The following ENTPD5 variants were observed in gnomAD, a reference collection of about 807,000 sequenced individuals.
The protein encoded by ENTPD5 is nucleoside diphosphate phosphatase ENTPD5.
In ENTPD5, 49 loss-of-function variants were observed where a neutral mutation model predicts 60.2. The observed-to-expected ratio is 0.81, with a 90% CI of 0.65 to 1.03. The LOEUF (loss-of-function observed/expected upper bound fraction) is 1.03. Among genes scored for constraint, ENTPD5 ranks in the 50% least tolerant of loss-of-function variants. The pLI, the probability that ENTPD5 is intolerant of heterozygous loss-of-function variation, is 0.00. For synonymous variants in ENTPD5, 187 were observed against 185.4 expected (o/e 1.01, Z -0.07); for missense variants, 480 against 507.6 (o/e 0.95, Z 0.52).
intron 10 of ENTPD5, among the ~76,000 whole-genome samples, chr14:73,975,704 C>T (rs550885775): frequency 2.0e-5 from 3 of 152,168 alleles, no homozygotes; most frequent in South Asian, 2.1e-4. Context: ...TGCACCCAGC[C>T]GAAAACTTTT....
chr14:73,973,158 G>T, intron 12 of ENTPD5, 134 bp from the exon 13 acceptor site: 1 of 1,045,196 alleles, frequency 9.6e-7, no homozygotes, highest in Non-Finnish European at 1.4e-6. Flanking sequence ...TGAGGCTTGG[G>T]ACAAGAGGCG....
chr14:73,961,099 G>A, downstream of ENTPD5: 1 of 1,512,886 alleles, frequency 6.6e-7, no homozygotes, highest in Non-Finnish European at 9.0e-7. Context: ...TTACAAACAA[G>A]GTTTCTTTAT....
At chr14:74,002,967 G>A (rs1039590605) in intron 3 of ENTPD5, among the ~76,000 whole-genome samples, 6 of 152,120 alleles carry the variant, frequency 3.9e-5, no homozygotes, top group African/African-American at 1.4e-4. Context: ...CCCTGCCTTA[G>A]GGCCTTCGCT....
chr14:74,013,711 A>C (rs2058918533), intron 2 of ENTPD5, among the ~76,000 whole-genome samples: 1 of 152,204 alleles, frequency 6.6e-6, no homozygotes, highest in Non-Finnish European at 1.5e-5. Context: ...AGAGATCAAC[A>C]TCCAGGTCAG....
At chr14:73,957,706 G>A (rs942352868), downstream of ENTPD5, among the ~76,000 whole-genome samples, 3 of 152,102 alleles carry the variant, frequency 2.0e-5, no homozygotes, top group South Asian at 2.1e-4. Context: ...CTAGGATTAC[G>A]AGCATGAGCC....
rs750342533 is a variant in ENTPD5, at chr14:73,975,975, A to G, written c.683T>C (p.Phe228Ser). Residue 228 changes from phenylalanine (F) to serine (S), a missense_variant, in exon 10 of 16, where the codon TTT becomes TCT. Physicochemically the swap from Phe to Ser is radical, Grantham distance 155. Coordinates refer to ENST00000334696, the MANE Select transcript of ENTPD5 (RefSeq NM_001249.5). ...CTTATAAGTGCTGTTAAACATCTCA[A>G]AGGAAGTGAGGTAGCCCCTAGGAGT... ...EQTPRGYLTSFEMFNSTYKLY... is the reference protein window; with the variant it reads ...EQTPRGYLTSSEMFNSTYKLY... 8 of 1,613,612 alleles carry G rather than the reference A, an allele frequency of 5.0e-6. No individual in the cohort carries two copies. In the East Asian group the frequency reaches 1.3e-4, roughly 27 times the overall value.
intron 5 of ENTPD5, among the ~76,000 whole-genome samples, chr14:73,983,981 G>A (rs1263967704): frequency 2.6e-5 from 4 of 151,866 alleles, no homozygotes; most frequent in South Asian, 2.1e-4. Flanking sequence ...ATGAGCCACC[G>A]TGCCTGGCCA....
chr14:73,992,917 C>T (rs12885276), intron 3 of ENTPD5, among the ~76,000 whole-genome samples: 17,100 of 150,704 alleles, frequency 0.11, 1,257 homozygotes, highest in Admixed American at 0.19. Context: ...GTACGAGAAT[C>T]GCTTGAACCT....
chr14:73,973,781 T>C lies in ENTPD5; in HGVS notation c.886+96A>G, dbSNP rs554626404. 31 of 1,017,738 alleles carry C rather than the reference T, an allele frequency of 3.0e-5. No homozygotes were observed. The South Asian group carries it at 3.9e-4, about 13-fold the overall frequency. The allele number at this position is 1,017,738 out of a possible 1,614,324, so 63.0% of individuals were successfully genotyped here. On this transcript the variant is annotated intron_variant, in intron 12 of 15. Transcript: ENST00000334696. ...TTTGGAATAAGTCCCTGCAACAAGA[T>C]AAGCTTCTCTTGAGTTCTGGAAAAA... is the stretch of plus-strand genomic sequence containing the variant.
At chr14:73,992,748 A>T (rs2058187049) in intron 3 of ENTPD5, among the ~76,000 whole-genome samples, 2 of 151,756 alleles carry the variant, frequency 1.3e-5, no homozygotes, top group African/African-American at 4.8e-5. Context: ...CACGCCTATC[A>T]TCTCAGCATT....
At chr14:73,963,015 A>G, downstream of ENTPD5, 1 of 1,597,312 alleles carries the variant, frequency 6.3e-7, no homozygotes, top group Non-Finnish European at 8.6e-7. Flanking sequence ...CCTCTCCTAA[A>G]GAAAGATTAC....
intron 3 of ENTPD5, among the ~76,000 whole-genome samples, chr14:74,001,537 G>A (rs2058506707): frequency 1.3e-5 from 2 of 148,980 alleles, no homozygotes; most frequent in South Asian, 4.3e-4. Flanking sequence ...GCATGGTGGC[G>A]GGCACCTGTA....
chr14:74,002,895 T>C (rs1748650827), intron 3 of ENTPD5, among the ~76,000 whole-genome samples: 3 of 152,128 alleles, frequency 2.0e-5, no homozygotes, highest in Non-Finnish European at 2.9e-5. Context: ...TCTGACCCCA[T>C]CTACTAATAG....
chr14:73,976,486 C>T, intron 8 of ENTPD5, 74 bp from the exon 9 acceptor site: 3 of 1,195,106 alleles, frequency 2.5e-6, no homozygotes, highest in Non-Finnish European at 3.7e-6. Flanking sequence ...TTGCTCTTAT[C>T]ATACACTGAA....
At chr14:73,976,278 C>A in intron 9 of ENTPD5, 46 bp downstream of exon 9, 1 of 1,530,918 alleles carries the variant, frequency 6.5e-7, no homozygotes, top group Non-Finnish European at 9.1e-7. Flanking sequence ...CACCATGATA[C>A]GCCTGCCAAG....
intron 3 of ENTPD5, among the ~76,000 whole-genome samples, chr14:73,992,228 C>A (rs2058164841): frequency 6.6e-6 from 1 of 152,096 alleles, no homozygotes; most frequent in Non-Finnish European, 1.5e-5. Flanking sequence ...GGTTAAGTGA[C>A]AAGATCTGAT....
At chr14:73,955,621 A>G, downstream of ENTPD5, 1 of 1,367,972 alleles carries the variant, frequency 7.3e-7, no homozygotes, top group Non-Finnish European at 1.0e-6. Context: ...CAAGGTTCAC[A>G]TTCAGTCCGA....
downstream of ENTPD5, chr14:73,961,728 GC>G (rs748791988): frequency 3.1e-6 from 5 of 1,614,100 alleles, no homozygotes; most frequent in Non-Finnish European, 3.4e-6. Flanking sequence ...TCTTTCCTCT[GC>G]CCTTCAGGTT....
In ENTPD5 at chr14:73,972,874, G is replaced by T; in HGVS notation, c.1027+10C>A. The T allele has an allele frequency of 3.1e-6, 5 of 1,613,678 alleles. No individual in the cohort carries two copies. Among genetic ancestry groups the T allele is most frequent in the Non-Finnish European group, 4.2e-6 (5 of 1,179,692 alleles). The stretch of plus-strand genomic sequence containing the variant: ...CTTCCTCTCTGGACTGACACCTGGG[G>T]TGAACTCACCAATCATGTCTGTGTC... On this transcript the variant is annotated intron_variant, in intron 13 of 15. Coordinates refer to ENST00000334696, the MANE Select transcript of ENTPD5 (RefSeq NM_001249.5).
Sources: allele counts gnomAD v4.1 joint callset (sites outside exome capture counted in the v4.1 genomes callset), GRCh38; gene constraint gnomAD v4.1.1; transcripts MANE v1.5; gene names NCBI Gene and HGNC (gene_info 2026-07-23, HGNC 2026-07-21).